Variants in NALF1 observed in about 807,000 individuals in gnomAD.
The protein encoded by NALF1 is family with sequence similarity 155 member A.
NALF1 carries 3 observed loss-of-function variants against 48.4 expected under a neutral mutation model. The observed-to-expected ratio is 0.06, with a 90% CI of 0.03 to 0.16. The LOEUF (loss-of-function observed/expected upper bound fraction) is 0.16, where lower values mean the gene tolerates loss of function less well. Ranked by LOEUF, NALF1 falls within the 10% of genes least tolerant of loss-of-function variation. The pLI, the probability that NALF1 is intolerant of heterozygous loss-of-function variation, is 1.00. For missense variants in NALF1, 526 were observed against 571.5 expected, an observed-to-expected ratio of 0.92 and a Z score of 0.81; for synonymous variants, 262 against 245.7, an observed-to-expected ratio of 1.07 and a Z score of -0.62.
At chr13:107,293,447 A>G (rs1184362475) in intron 1 of NALF1, among the ~76,000 whole-genome samples, 1 of 152,122 alleles carries the variant, frequency 6.6e-6, no homozygotes, top group Non-Finnish European at 1.5e-5. Context: ...ACCACAAACC[A>G]AGGGCTATGG....
chr13:107,423,525 C>T (rs1884228371), intron 1 of NALF1, among the ~76,000 whole-genome samples: 1 of 151,956 alleles, frequency 6.6e-6, no homozygotes, highest in Non-Finnish European at 1.5e-5. Flanking sequence ...AAGAAGCCTT[C>T]CTTACAAGCA....
At chr13:107,864,789 C>A (rs1453440123) in intron 1 of NALF1, among the ~76,000 whole-genome samples, 1 of 152,184 alleles carries the variant, frequency 6.6e-6, no homozygotes, top group Non-Finnish European at 1.5e-5. Context: ...TTTGCATCGA[C>A]CAATTCTTAA....
At chr13:107,289,587 CTATT>C (rs1881573904) in intron 1 of NALF1, among the ~76,000 whole-genome samples, 1 of 152,178 alleles carries the variant, frequency 6.6e-6, no homozygotes, top group Non-Finnish European at 1.5e-5. Flanking sequence ...GAAGTGCTCA[CTATT>C]TACTGATGGT....
chr13:107,652,840 TG>T (rs1594185668), intron 1 of NALF1, among the ~76,000 whole-genome samples: 1 of 152,152 alleles, frequency 6.6e-6, no homozygotes, highest in East Asian at 1.9e-4. Flanking sequence ...CCTTTCTCCT[TG>T]GAATTACTTT....
At chr13:107,541,565 T>C (rs1001733644) in intron 1 of NALF1, among the ~76,000 whole-genome samples, 1 of 152,104 alleles carries the variant, frequency 6.6e-6, no homozygotes, top group Non-Finnish European at 1.5e-5. Context: ...AAAGCCCTTA[T>C]GATCTGATAC....
chr13:107,478,622 A>G (rs1980715), intron 1 of NALF1, among the ~76,000 whole-genome samples: 3,071 of 151,448 alleles, frequency 0.02, 104 homozygotes, highest in African/African-American at 0.071. Flanking sequence ...AACTTACTCA[A>G]TGTCACCTAA....
chr13:107,792,920 G>A lies in NALF1; in HGVS notation c.915+72762C>T, dbSNP rs185369008. Among the ~76,000 whole-genome samples, 660 of 152,134 alleles carry A rather than the reference G, an allele frequency of 4.3e-3. 4 individuals carry two copies. Among genetic ancestry groups the A allele is most frequent in the Non-Finnish European group, 6.6e-3 (449 of 67,976 alleles). ...GTATACTGGCCTCAAGGAATCCCCC[G>A]CCTTGGCCTCCCAAAGCACTAGGAT... On this transcript the variant is annotated intron_variant, in intron 1 of 2. Transcript: ENST00000375915.
chr13:107,550,367 T>C (rs1877258320), intron 1 of NALF1, among the ~76,000 whole-genome samples: 1 of 152,142 alleles, frequency 6.6e-6, no homozygotes. Flanking sequence ...TCCATCTTTA[T>C]TGTTAAAATA....
chr13:107,491,896 A>T (rs749219443), intron 1 of NALF1, among the ~76,000 whole-genome samples: 5 of 152,052 alleles, frequency 3.3e-5, no homozygotes, highest in Non-Finnish European at 7.4e-5. Context: ...AATAATTTTA[A>T]ATGTTAATGA....
intron 1 of NALF1, among the ~76,000 whole-genome samples, chr13:107,571,711 T>C (rs1317012866): frequency 1.3e-5 from 2 of 152,178 alleles, no homozygotes; most frequent in African/African-American, 2.4e-5. Context: ...GAAAGTATTA[T>C]AGAAATGAGC....
chr13:107,489,007 G>A (rs1885373564), intron 1 of NALF1, among the ~76,000 whole-genome samples: 1 of 152,128 alleles, frequency 6.6e-6, no homozygotes, highest in Admixed American at 6.6e-5. Context: ...AATCATGAAT[G>A]GACTCCCATT....
chr13:107,478,837 G>A (rs555812147), intron 1 of NALF1, among the ~76,000 whole-genome samples: 113 of 152,104 alleles, frequency 7.4e-4, no homozygotes, highest in African/African-American at 2.5e-3. Flanking sequence ...ATTATGTAAC[G>A]TATTACAGAG....
chr13:107,479,541 T>A (rs1353914175), intron 1 of NALF1, among the ~76,000 whole-genome samples: 1 of 152,184 alleles, frequency 6.6e-6, no homozygotes, highest in African/African-American at 2.4e-5. Context: ...TCCACCTTCA[T>A]AATTGTGACT....
intron 1 of NALF1, among the ~76,000 whole-genome samples, chr13:107,708,041 G>A (rs1594218437): frequency 6.7e-6 from 1 of 149,944 alleles, no homozygotes; most frequent in East Asian, 2.0e-4. Context: ...TTTCTGGATA[G>A]CACCAAAGAA....
intron 1 of NALF1, among the ~76,000 whole-genome samples, chr13:107,314,459 C>T (rs1367172337): frequency 6.6e-6 from 1 of 152,036 alleles, no homozygotes; most frequent in Non-Finnish European, 1.5e-5. Flanking sequence ...CTAGTTCCAC[C>T]TCATCTTGAT....
At chr13:107,613,612 C>T (rs1048276797) in intron 1 of NALF1, among the ~76,000 whole-genome samples, 6 of 152,216 alleles carry the variant, frequency 3.9e-5, no homozygotes, top group African/African-American at 1.2e-4. Flanking sequence ...TGGGCCCTGA[C>T]TCCATCCAGC....
intron 1 of NALF1, among the ~76,000 whole-genome samples, chr13:107,605,092 TCA>T (rs1220915884): frequency 1.3e-5 from 2 of 152,184 alleles, no homozygotes; most frequent in Non-Finnish European, 2.9e-5. Context: ...ATGGAGTTTA[TCA>T]CACATTGGCT....
chr13:107,779,937 G>A (rs905594950), intron 1 of NALF1, among the ~76,000 whole-genome samples: 8 of 151,872 alleles, frequency 5.3e-5, no homozygotes, highest in African/African-American at 1.9e-4. Flanking sequence ...TAAGCCATTT[G>A]GAAAACAAAA....
At chr13:107,778,586 G>GA (rs1555325243) in intron 1 of NALF1, among the ~76,000 whole-genome samples, 1 of 150,990 alleles carries the variant, frequency 6.6e-6, no homozygotes, top group Non-Finnish European at 1.5e-5. Context: ...AACAGGAGTT[G>GA]TTTTTTTTCT....
Sources: allele counts gnomAD v4.1 joint callset (sites outside exome capture counted in the v4.1 genomes callset), GRCh38; gene constraint gnomAD v4.1.1; transcripts MANE v1.5; gene names NCBI Gene and HGNC (gene_info 2026-07-23, HGNC 2026-07-21).